ANKRD6: variants seen among roughly 807,000 people sequenced by gnomAD.
The protein encoded by ANKRD6 is ankyrin repeat domain-containing protein 6.
A neutral mutation model predicts 82.3 loss-of-function variants in ANKRD6; 56 were observed. That is an observed-to-expected ratio of 0.68 (90% CI 0.55 to 0.85). The LOEUF is 0.85. ANKRD6 is among the 40% of genes least tolerant of loss of function. ANKRD6 has a pLI of 0.00. For missense variants in ANKRD6, 852 were observed against 907.6 expected, an observed-to-expected ratio of 0.94 and a Z score of 0.79; for synonymous variants, 347 against 352.1, an observed-to-expected ratio of 0.99 and a Z score of 0.16.
At chr6:89,514,806 C>T (rs1781013026) in intron 1 of ANKRD6, among the ~76,000 whole-genome samples, 1 of 152,198 alleles carries the variant, frequency 6.6e-6, no homozygotes, top group South Asian at 2.1e-4. Context: ...TACCAGTTTA[C>T]ATCCTCAGGC....
chr6:89,593,089 A>G (rs1583559963), intron 2 of ANKRD6, among the ~76,000 whole-genome samples: 1 of 151,618 alleles, frequency 6.6e-6, no homozygotes, highest in African/African-American at 2.4e-5. Context: ...TTTAAAAAGT[A>G]CTCCTGGGTC....
At chr6:89,580,536 A>G (rs996850842) in intron 2 of ANKRD6, among the ~76,000 whole-genome samples, 1 of 152,074 alleles carries the variant, frequency 6.6e-6, no homozygotes, top group African/African-American at 2.4e-5. Context: ...TAAGTGGTAT[A>G]CATTCATGGC....
chr6:89,474,773 C>G (rs1469215172), intron 1 of ANKRD6, among the ~76,000 whole-genome samples: 1 of 152,146 alleles, frequency 6.6e-6, no homozygotes, highest in Admixed American at 6.5e-5. Flanking sequence ...TGGATGTAGT[C>G]CAGTGTGCAC....
At chr6:89,506,250 C>G (rs1454045887) in intron 1 of ANKRD6, among the ~76,000 whole-genome samples, 1 of 152,020 alleles carries the variant, frequency 6.6e-6, no homozygotes, top group Non-Finnish European at 1.5e-5. Context: ...GTTAATTAAC[C>G]CGATTGTGGT....
intron 4 of ANKRD6, 60 bp downstream of exon 4, chr6:89,603,187 G>A (rs1483464194): frequency 1.3e-6 from 2 of 1,492,818 alleles, no homozygotes; most frequent in African/African-American, 1.4e-5. Flanking sequence ...GCTCAGGGGA[G>A]CTGGAGGAGC....
intron 4 of ANKRD6, among the ~76,000 whole-genome samples, chr6:89,604,634 A>T (rs1798072277): frequency 6.6e-6 from 1 of 152,216 alleles, no homozygotes; most frequent in African/African-American, 2.4e-5. Context: ...CAGCTCAAGA[A>T]GCAGCTCATT....
At chr6:89,567,680 C>T (rs1394219093) in intron 2 of ANKRD6, among the ~76,000 whole-genome samples, 1 of 152,208 alleles carries the variant, frequency 6.6e-6, no homozygotes, top group Non-Finnish European at 1.5e-5. Context: ...AGGCAGGCTC[C>T]GCGCAGCTAG....
chr6:89,566,482 C>T (rs1390434696), intron 1 of ANKRD6, among the ~76,000 whole-genome samples: 2 of 152,206 alleles, frequency 1.3e-5, no homozygotes, highest in African/African-American at 4.8e-5. Context: ...ACACACGGTA[C>T]AGTTCCCTGC....
intron 1 of ANKRD6, among the ~76,000 whole-genome samples, chr6:89,535,655 G>A (rs1408088957): frequency 6.6e-6 from 1 of 152,190 alleles, no homozygotes; most frequent in Non-Finnish European, 1.5e-5. Flanking sequence ...ACCTTATGCA[G>A]GACAAACTTA....
chr6:89,617,574 G>A (rs1801903451), intron 8 of ANKRD6, among the ~76,000 whole-genome samples: 1 of 152,190 alleles, frequency 6.6e-6, no homozygotes, highest in Non-Finnish European at 1.5e-5. Context: ...GATCCTCTGT[G>A]GTGTTTCCCC....
chr6:89,595,772 A>T, intron 2 of ANKRD6, 144 bp from the exon 3 acceptor site: 1 of 639,052 alleles, frequency 1.6e-6, no homozygotes, highest in East Asian at 2.7e-5. Context: ...TGGTTAACCC[A>T]TAAGAATCTC....
In ANKRD6 at chr6:89,623,896, C is replaced by T; in HGVS notation, c.1057C>T (p.Pro353Ser). ...PKVSAFSDPTPPADQQPGHQK... is the reference protein window; with the variant it reads ...PKVSAFSDPTSPADQQPGHQK... ...GGTGTCAGCATTTTCTGACCCCACC[C>T]CACCAGCCGACCAACAGCCTGGACA... Residue 353 changes from proline to serine, a missense_variant, in exon 12 of 16, where the codon CCA (proline) becomes TCA (serine). Pro to Ser is a moderately conservative substitution (Grantham distance 74, BLOSUM62 -1). Transcript: ENST00000339746. 1 of 1,613,624 alleles carries T rather than the reference C, an allele frequency of 6.2e-7. No homozygotes were observed. The highest frequency in any genetic ancestry group is 8.5e-7 in the Non-Finnish European group (1 of 1,179,702).
chr6:89,536,931 C>T (rs1783906492), intron 1 of ANKRD6, among the ~76,000 whole-genome samples: 1 of 152,130 alleles, frequency 6.6e-6, no homozygotes. Flanking sequence ...TTTTTGTAAA[C>T]CTCCCGAGGG....
At chr6:89,475,618 T>C (rs528817516) in intron 1 of ANKRD6, among the ~76,000 whole-genome samples, 77 of 152,204 alleles carry the variant, frequency 5.1e-4, no homozygotes, top group Non-Finnish European at 9.0e-4. Flanking sequence ...TCTCTCTCCA[T>C]AGCTTTTCTG....
At chr6:89,571,271 G>A (rs1789841242) in intron 2 of ANKRD6, among the ~76,000 whole-genome samples, 1 of 151,992 alleles carries the variant, frequency 6.6e-6, no homozygotes, top group African/African-American at 2.4e-5. Context: ...GCCAGGGGTG[G>A]TCTCGATCTC....
At chr6:89,559,581 A>G (rs1787093507) in intron 1 of ANKRD6, among the ~76,000 whole-genome samples, 1 of 152,158 alleles carries the variant, frequency 6.6e-6, no homozygotes, top group African/African-American at 2.4e-5. Flanking sequence ...GAGTACATAG[A>G]ATTGGTTTTA....
intron 1 of ANKRD6, among the ~76,000 whole-genome samples, chr6:89,438,281 T>C (rs1026571550): frequency 2.4e-4 from 37 of 152,338 alleles, no homozygotes; most frequent in Admixed American, 1.9e-3. Context: ...TGGGTAGCTG[T>C]CCTTCAGGTG....
intron 5 of ANKRD6, among the ~76,000 whole-genome samples, chr6:89,609,653 C>G (rs1367011633): frequency 6.6e-6 from 1 of 151,900 alleles, no homozygotes; most frequent in Non-Finnish European, 1.5e-5. Context: ...CAGAGTCTCA[C>G]TCTGTTGCCA....
At chr6:89,511,446 A>G (rs1372852404) in intron 1 of ANKRD6, among the ~76,000 whole-genome samples, 1 of 152,170 alleles carries the variant, frequency 6.6e-6, no homozygotes, top group Non-Finnish European at 1.5e-5. Flanking sequence ...ATTATTTAAG[A>G]CTACAAGGAG....
Sources: gnomAD v4.1 joint callset for allele counts (sites outside exome capture counted in the v4.1 genomes callset) on GRCh38, gnomAD v4.1.1 for gene constraint, MANE v1.5 for transcripts, NCBI Gene and HGNC (gene_info 2026-07-23, HGNC 2026-07-21) for gene names.